THOC2: variants seen among roughly 807,000 people sequenced by gnomAD.
THOC2 encodes THO complex 2.
In THOC2, 10 loss-of-function variants were observed where a neutral mutation model predicts 128.4. The ratio of observed to expected loss-of-function variants is 0.08; its 90% confidence interval spans 0.05 to 0.13. The LOEUF is 0.13. Ranked by LOEUF, THOC2 falls within the 10% of genes least tolerant of loss-of-function variation. The pLI is 1.00. For synonymous variants in THOC2, 393 were observed against 396.9 expected (o/e 0.99, Z 0.12); for missense variants, 535 against 1,155.7 (o/e 0.46, Z 7.79).
At chrX:123,639,879 T>C (rs1449844198) in intron 16 of THOC2, among the ~76,000 whole-genome samples, 3 of 112,427 alleles carry the variant, frequency 2.7e-5, no homozygotes, top group Non-Finnish European at 5.6e-5. Context: ...GTCTCTCTCA[T>C]ATGTTTTAGA....
At chrX:123,620,156 T>C (rs764975107) in intron 32 of THOC2, 6 of 111,764 alleles carry the variant, frequency 5.4e-5, no homozygotes, top group Non-Finnish European at 1.1e-4. Flanking sequence ...GACTTTAGAA[T>C]TAAAATTAAA....
At chrX:123,708,850 G>C (rs1327468207) in intron 2 of THOC2, among the ~76,000 whole-genome samples, 2 of 111,283 alleles carry the variant, frequency 1.8e-5, no homozygotes, top group Non-Finnish European at 3.8e-5. Context: ...GGGTTCAAGC[G>C]CTTCTCCAGC....
At chrX:123,672,673 C>T (rs999782257) in intron 8 of THOC2, among the ~76,000 whole-genome samples, 1 of 111,760 alleles carries the variant, frequency 8.9e-6, no homozygotes, top group Non-Finnish European at 1.9e-5. Flanking sequence ...TACAGAATGG[C>T]AAAGTCAATT....
chrX:123,732,491 T>C (rs1361512395), intron 1 of THOC2, among the ~76,000 whole-genome samples: 2 of 112,015 alleles, frequency 1.8e-5, no homozygotes, highest in African/African-American at 6.5e-5. Context: ...TTCGCCCTCC[T>C]TGGACTTCAG....
chrX:123,603,405 G>A (rs2046356520), intron 38 of THOC2: 2 of 340,696 alleles, frequency 5.9e-6, no homozygotes, highest in Non-Finnish European at 1.0e-5. Flanking sequence ...GGTTCCTGGA[G>A]GCGATTTCCT....
chrX:123,693,149 T>C (rs1302681024), intron 7 of THOC2, among the ~76,000 whole-genome samples: 1 of 112,477 alleles, frequency 8.9e-6, no homozygotes, highest in Non-Finnish European at 1.9e-5. Context: ...TCAACCTCTA[T>C]TTTCACATCA....
At chrX:123,702,523 ATATAT>A (rs2050743577) in intron 4 of THOC2, among the ~76,000 whole-genome samples, 2 of 105,638 alleles carry the variant, frequency 1.9e-5, no homozygotes, top group Non-Finnish European at 3.8e-5. Context: ...CATATATATA[ATATAT>A]ATTACATACA....
intron 1 of THOC2, among the ~76,000 whole-genome samples, chrX:123,720,785 G>A (rs1200023965): frequency 2.7e-5 from 3 of 112,165 alleles, no homozygotes; most frequent in Non-Finnish European, 5.6e-5. Flanking sequence ...GAACCTTAAG[G>A]ACAGTGTGCT....
chrX:123,642,219 T>A lies in THOC2; in HGVS notation c.1662-1597A>T, dbSNP rs199553575. 5.3e-4 allele frequency among the ~76,000 whole-genome samples: 59 copies of A among 110,469 alleles called. No individual in the cohort carries two copies. In the East Asian group the frequency reaches 0.015, roughly 28 times the overall value. Reference sequence around the variant, plus strand: ...GGCGGGTGAATCACAAGGTCAGGAGTTCGAGACCAGCCTGGCCAACATGGT... The same window carrying A: ...GGCGGGTGAATCACAAGGTCAGGAGATCGAGACCAGCCTGGCCAACATGGT... On this transcript the variant is annotated intron_variant, in intron 15 of 38. Transcript: ENST00000245838.
At chrX:123,660,590 A>G (rs1603281286) in intron 12 of THOC2, among the ~76,000 whole-genome samples, 5 of 112,301 alleles carry the variant, frequency 4.5e-5, no homozygotes, top group African/African-American at 9.7e-5. Flanking sequence ...GTGACTTCAC[A>G]TGCACCTGAT....
chrX:123,620,791 T>C, intron 32 of THOC2, 116 bp downstream of exon 32: 1 of 662,518 alleles, frequency 1.5e-6, no homozygotes, highest in South Asian at 3.9e-5. Flanking sequence ...TAATGCAATA[T>C]AAAACCTCCA....
intron 6 of THOC2, among the ~76,000 whole-genome samples, 166 bp downstream of exon 6, chrX:123,696,555 A>C (rs1472359680): frequency 9.0e-6 from 1 of 111,603 alleles, no homozygotes; most frequent in African/African-American, 3.2e-5. Flanking sequence ...AAGATCACTG[A>C]TGACTCAATA....
intron 25 of THOC2, among the ~76,000 whole-genome samples, chrX:123,625,014 G>T (rs2047211858): frequency 9.0e-6 from 1 of 111,219 alleles, no homozygotes; most frequent in African/African-American, 3.3e-5. Flanking sequence ...GGGTTTACGG[G>T]GAGAGTAAGC....
intron 8 of THOC2, among the ~76,000 whole-genome samples, chrX:123,678,214 A>T (rs2049589974): frequency 9.2e-6 from 1 of 108,621 alleles, no homozygotes; most frequent in South Asian, 4.0e-4. Context: ...CGCCATGTAC[A>T]TTCCTCTCTA....
intron 8 of THOC2, among the ~76,000 whole-genome samples, chrX:123,676,982 A>C (rs947103320): frequency 4.5e-5 from 5 of 111,699 alleles, no homozygotes; most frequent in Non-Finnish European, 9.4e-5. Flanking sequence ...TATATCATGT[A>C]TCACTTAACA....
chrX:123,727,166 G>A (rs1191672840), intron 1 of THOC2, among the ~76,000 whole-genome samples: 7 of 110,469 alleles, frequency 6.3e-5, no homozygotes, highest in Non-Finnish European at 1.1e-4. Context: ...GCAGTGAGCC[G>A]TGATCGCCTG....
At chrX:123,660,921 A>G (rs2048797929) in intron 12 of THOC2, among the ~76,000 whole-genome samples, 1 of 112,162 alleles carries the variant, frequency 8.9e-6, no homozygotes. Flanking sequence ...AGTGCCCATC[A>G]ACTGATGAAT....
At chrX:123,695,988 TAAC>T (rs768440407) in intron 7 of THOC2, 30 bp downstream of exon 7, 6 of 961,688 alleles carry the variant, frequency 6.2e-6, no homozygotes, top group Non-Finnish European at 8.6e-6. Flanking sequence ...CTTGTTATCT[TAAC>T]AACACATACT....
At chrX:123,720,300 T>C (rs898809967) in intron 1 of THOC2, among the ~76,000 whole-genome samples, 2 of 109,218 alleles carry the variant, frequency 1.8e-5, no homozygotes, top group African/African-American at 6.7e-5. Flanking sequence ...ATTTAAAAAT[T>C]AGCGGGTCAT....
Sources: allele counts gnomAD v4.1 joint callset (sites outside exome capture counted in the v4.1 genomes callset), GRCh38; gene constraint gnomAD v4.1.1; transcripts MANE v1.5; gene names NCBI Gene and HGNC (gene_info 2026-07-23, HGNC 2026-07-21).